The following ADGRL3 variants were observed in gnomAD, a reference collection of about 807,000 sequenced individuals.
The protein encoded by ADGRL3 is calcium-independent alpha-latrotoxin receptor 3.
ADGRL3 carries 62 observed loss-of-function variants against 153.5 expected under a neutral mutation model. The observed-to-expected ratio is 0.40, with a 90% CI of 0.33 to 0.50. The LOEUF is 0.50. ADGRL3 is among the 20% of genes least tolerant of loss of function. The probability of loss-of-function intolerance (pLI) is 0.47; values close to 1 mark genes in which losing one functional copy is unlikely to be tolerated. For synonymous variants in ADGRL3, 710 were observed against 672.5 expected (o/e 1.06, Z -0.86); for missense variants, 1,641 against 1,859.4 (o/e 0.88, Z 2.16).
chr4:61,589,792 C>G (rs1049079503), intron 5 of ADGRL3, among the ~76,000 whole-genome samples: 1 of 152,048 alleles, frequency 6.6e-6, no homozygotes, highest in Non-Finnish European at 1.5e-5. Context: ...TGTGTGAGTA[C>G]ACGTGAACAA....
chr4:61,220,344 GA>G (rs1744914912), intron 1 of ADGRL3, among the ~76,000 whole-genome samples: 1 of 152,116 alleles, frequency 6.6e-6, no homozygotes, highest in Non-Finnish European at 1.5e-5. Flanking sequence ...GATACTTAGT[GA>G]TTTAGAACAT....
At chr4:61,711,462 A>C (rs188818865) in intron 6 of ADGRL3, among the ~76,000 whole-genome samples, 42 of 73,264 alleles carry the variant, frequency 5.7e-4, no homozygotes, top group African/African-American at 2.4e-3. Context: ...GCTTCATTAT[A>C]TATATATATA....
chr4:61,720,998 AATAAG>A lies in ADGRL3; in HGVS notation c.584-9619_584-9615del, dbSNP rs569883609. ...CTCAGCAGGGTTGATGTGAGGATTA[AATAAG>A]ATAATAGAGGAAGTACCCAGCAAAT... On this transcript the variant is annotated intron_variant, in intron 6 of 26. Coordinates refer to ENST00000683033, the MANE Select transcript of ADGRL3 (RefSeq NM_001387552.1). Among the ~76,000 whole-genome samples the A allele has an allele frequency of 2.5e-3, 384 of 152,302 alleles. 5 individuals are homozygous for A. The highest frequency in any genetic ancestry group is 8.4e-3 in the African/African-American group (349 of 41,578).
At position 61,651,905 on chromosome 4, in the gene ADGRL3, G is replaced by A. The variant is rs536666745; in HGVS notation, c.474-24921G>A. On this transcript the variant is annotated intron_variant, in intron 5 of 26. Coordinates refer to ENST00000683033, the MANE Select transcript of ADGRL3 (RefSeq NM_001387552.1). ...GCTGGGATTACAGGAGGGAGCCACCGAACCTGGCCCAAAATAAATAACTTT... is the reference window on the plus strand; with the variant it reads ...GCTGGGATTACAGGAGGGAGCCACCAAACCTGGCCCAAAATAAATAACTTT... Among the ~76,000 whole-genome samples, 7 of 151,446 alleles carry A rather than the reference G, an allele frequency of 4.6e-5. No homozygotes were observed. The South Asian group carries it at 6.3e-4, about 14-fold the overall frequency.
At chr4:61,739,918 T>TA (rs1464249386) in intron 8 of ADGRL3, among the ~76,000 whole-genome samples, 3 of 152,336 alleles carry the variant, frequency 2.0e-5, no homozygotes, top group Admixed American at 2.0e-4. Context: ...ATTAAGAACA[T>TA]AAATTGTTTA....
At chr4:61,906,357 T>C (rs1171841902) in intron 11 of ADGRL3, 1 of 152,106 alleles carries the variant, frequency 6.6e-6, no homozygotes, top group Non-Finnish European at 1.5e-5. Flanking sequence ...TTAACATTAG[T>C]GTCAATGTAC....
At chr4:61,232,449 C>A (rs961301125) in intron 1 of ADGRL3, among the ~76,000 whole-genome samples, 2 of 151,898 alleles carry the variant, frequency 1.3e-5, no homozygotes, top group Non-Finnish European at 2.9e-5. Flanking sequence ...ACTGGGATTA[C>A]AGGCATGCAC....
chr4:61,754,977 C>A (rs2096805067), intron 8 of ADGRL3, among the ~76,000 whole-genome samples: 2 of 152,268 alleles, frequency 1.3e-5, no homozygotes, highest in South Asian at 4.1e-4. Flanking sequence ...GCATAGTATT[C>A]CATGGTGTAT....
chr4:61,561,702 CAT>C (rs1210263004), intron 4 of ADGRL3, among the ~76,000 whole-genome samples: 1 of 152,010 alleles, frequency 6.6e-6, no homozygotes, highest in Non-Finnish European at 1.5e-5. Flanking sequence ...ATTTCTACCT[CAT>C]AGAAATTTGT....
chr4:61,677,031 G>T (rs187043410), intron 6 of ADGRL3, 96 bp downstream of exon 6: 2 of 835,550 alleles, frequency 2.4e-6, no homozygotes, highest in Non-Finnish European at 3.9e-6. Flanking sequence ...CATAAATCAC[G>T]TAAATTAAAT....
chr4:61,280,827 G>A (rs2093693814), intron 1 of ADGRL3, among the ~76,000 whole-genome samples: 1 of 152,026 alleles, frequency 6.6e-6, no homozygotes, highest in Admixed American at 6.6e-5. Context: ...TATCCACTTA[G>A]CAAAATGCTT....
At chr4:61,784,558 G>A (rs186096665) in intron 8 of ADGRL3, among the ~76,000 whole-genome samples, 64 of 152,256 alleles carry the variant, frequency 4.2e-4, no homozygotes, top group African/African-American at 1.5e-3. Flanking sequence ...ACAGTTTGGG[G>A]TATGGGGTGT....
chr4:62,024,080 T>TA (rs1397560236), intron 21 of ADGRL3, among the ~76,000 whole-genome samples: 7 of 152,182 alleles, frequency 4.6e-5, no homozygotes, highest in Non-Finnish European at 7.4e-5. Context: ...TATATTGAGT[T>TA]AAAGAAACTT....
chr4:61,739,312 T>C (rs1001471415), intron 8 of ADGRL3, among the ~76,000 whole-genome samples: 1 of 150,846 alleles, frequency 6.6e-6, no homozygotes, highest in African/African-American at 2.5e-5. Flanking sequence ...AATTACTTTT[T>C]TTTTTTTGAT....
intron 2 of ADGRL3, among the ~76,000 whole-genome samples, chr4:61,488,301 T>G (rs998396764): frequency 2.0e-5 from 3 of 152,010 alleles, no homozygotes; most frequent in Admixed American, 6.6e-5. Flanking sequence ...TAAAATATAA[T>G]TATAAGGGGA....
chr4:61,977,383 T>C (rs2099051860), intron 17 of ADGRL3, among the ~76,000 whole-genome samples: 1 of 152,098 alleles, frequency 6.6e-6, no homozygotes, highest in Admixed American at 6.6e-5. Flanking sequence ...AGCCCTCTAT[T>C]CAGGGAACCA....
At chr4:61,699,154 G>A (rs770920480) in intron 6 of ADGRL3, among the ~76,000 whole-genome samples, 1 of 152,064 alleles carries the variant, frequency 6.6e-6, no homozygotes, top group Non-Finnish European at 1.5e-5. Context: ...ATGCTTTCAG[G>A]TTTACAGCTG....
At chr4:61,703,255 A>T (rs529862552) in intron 6 of ADGRL3, among the ~76,000 whole-genome samples, 20 of 152,204 alleles carry the variant, frequency 1.3e-4, no homozygotes, top group Admixed American at 1.2e-3. Context: ...TTAAATGCTT[A>T]AAACACTACC....
At chr4:61,436,812 T>C (rs2097452316) in intron 2 of ADGRL3, among the ~76,000 whole-genome samples, 2 of 152,108 alleles carry the variant, frequency 1.3e-5, no homozygotes, top group African/African-American at 4.8e-5. Context: ...TCATGTGAAA[T>C]ACAGGGTGGG....
Sources: allele counts gnomAD v4.1 joint callset (sites outside exome capture counted in the v4.1 genomes callset), GRCh38; gene constraint gnomAD v4.1.1; transcripts MANE v1.5; gene names NCBI Gene and HGNC (gene_info 2026-07-23, HGNC 2026-07-21).